Variants in SGK1 observed in about 807,000 individuals in gnomAD.
The protein encoded by SGK1 is serine/threonine-protein kinase Sgk1.
SGK1 carries 26 observed loss-of-function variants against 64.2 expected under a neutral mutation model. That is an observed-to-expected ratio of 0.40 (90% CI 0.30 to 0.56). SGK1 has a LOEUF of 0.56. Among genes scored for constraint, SGK1 ranks in the 20% least tolerant of loss-of-function variants. The probability of loss-of-function intolerance (pLI) is 0.38; values close to 1 mark genes in which losing one functional copy is unlikely to be tolerated. For missense variants in SGK1, 519 were observed against 645.6 expected (o/e 0.80, Z 2.12); for synonymous variants, 265 against 239.7 (o/e 1.11, Z -0.98).
chr6:134,268,038 T>C (rs773655645), intron 1 of SGK1, among the ~76,000 whole-genome samples: 5 of 152,182 alleles, frequency 3.3e-5, no homozygotes, highest in Non-Finnish European at 5.9e-5. Flanking sequence ...GATGTTTGCT[T>C]GCTCTTGAGA....
At chr6:134,283,534 G>A (rs951792369) in intron 1 of SGK1, among the ~76,000 whole-genome samples, 3 of 151,354 alleles carry the variant, frequency 2.0e-5, no homozygotes, top group Admixed American at 2.0e-4. Flanking sequence ...GAAGAAGGCA[G>A]CTGCCCTACA....
chr6:134,298,808 T>TTTATTTATTTAC (rs1777402735), intron 1 of SGK1: 1 of 296,448 alleles, frequency 3.4e-6, no homozygotes, highest in Admixed American at 5.1e-5. Flanking sequence ...TATTTATTTA[T>TTTATTTATTTAC]TTATTTATTT....
At chr6:134,297,914 G>T (rs1448213808) in intron 1 of SGK1, 10 of 807,054 alleles carry the variant, frequency 1.2e-5, no homozygotes, top group Non-Finnish European at 2.2e-5. Flanking sequence ...TGCGGTTGGT[G>T]ATCTCCTCGT....
Position 134,261,932 on chromosome 6 carries a change from C to T in SGK1, c.285+1G>A. 1.2e-6 allele frequency: 2 copies of T among 1,607,496 alleles called. No homozygotes were observed. The highest frequency in any genetic ancestry group is 8.5e-7 in the Non-Finnish European group (1 of 1,173,930). On this transcript the variant is annotated splice_donor_variant, in intron 2 of 13. Transcript: ENST00000367858. LOFTEE classifies it high-confidence loss of function. ...TAGATCCAGAGCGAACATGAACTTA[C>T]TTCACACCCAGATTGAGTTTCCCAT...
chr6:134,298,323 G>C (rs1288203885), intron 1 of SGK1: 10 of 1,571,382 alleles, frequency 6.4e-6, no homozygotes, highest in Non-Finnish European at 5.2e-6. Flanking sequence ...GCTGCTGCAG[G>C]AGGCTCCACT....
chr6:134,176,021 CTG>C lies in SGK1; in HGVS notation c.362-1437_362-1436del, dbSNP rs377252457. The C allele has an allele frequency of 5.2e-4, 528 of 1,017,370 alleles. 4 individuals carry two copies. The African/African-American group carries it at 8.0e-3, about 15-fold the overall frequency. 63.0% of individuals were successfully genotyped at this position (1,017,370 alleles called of 1,614,324 possible). On this transcript the variant is annotated intron_variant, in intron 3 of 13. Transcript: ENST00000367858. The stretch of plus-strand genomic sequence containing the variant: ...CACTTTTTTTTTTCTGAAGTAATCT[CTG>C]AGAACATTTTGTCCGTTCCGCATGT...
chr6:134,290,256 C>T (rs376633334), intron 1 of SGK1, among the ~76,000 whole-genome samples: 2 of 149,790 alleles, frequency 1.3e-5, no homozygotes, highest in African/African-American at 2.5e-5. Context: ...CGCAGGAGTT[C>T]GAGGCTGCAC....
intron 10 of SGK1, 35 bp from the exon 11 acceptor site, chr6:134,171,767 C>A: frequency 6.9e-7 from 1 of 1,441,338 alleles, no homozygotes; most frequent in Non-Finnish European, 9.7e-7. Flanking sequence ...CGTTTAGAAC[C>A]TGCGAAAGCA....
intron 2 of SGK1, among the ~76,000 whole-genome samples, chr6:134,211,268 G>C (rs1424702564): frequency 6.6e-6 from 1 of 152,086 alleles, no homozygotes; most frequent in Non-Finnish European, 1.5e-5. Context: ...TATGTAAGTG[G>C]TCTATATTTT....
At chr6:134,315,252 G>A (rs1777661591) in intron 1 of SGK1, among the ~76,000 whole-genome samples, 1 of 147,788 alleles carries the variant, frequency 6.8e-6, no homozygotes, top group African/African-American at 2.7e-5. Context: ...TCAATGACTT[G>A]ATACAAGGTC....
At chr6:134,219,695 G>A (rs1582720450) in intron 2 of SGK1, among the ~76,000 whole-genome samples, 1 of 150,668 alleles carries the variant, frequency 6.6e-6, no homozygotes, top group Non-Finnish European at 1.5e-5. Flanking sequence ...GGGAGGCAGA[G>A]GTTGCGGTGA....
At chr6:134,296,291 T>C (rs950275592) in intron 1 of SGK1, among the ~76,000 whole-genome samples, 1 of 152,180 alleles carries the variant, frequency 6.6e-6, no homozygotes, top group Admixed American at 6.5e-5. Context: ...ATTGTTTTTA[T>C]AGGCGAGATA....
intron 1 of SGK1, among the ~76,000 whole-genome samples, chr6:134,294,465 T>G (rs1286787204): frequency 6.6e-6 from 1 of 152,224 alleles, no homozygotes; most frequent in African/African-American, 2.4e-5. Flanking sequence ...CTACTCTAAG[T>G]ACCTCATGTA....
At chr6:134,264,988 T>C (rs1409837819) in intron 1 of SGK1, among the ~76,000 whole-genome samples, 1 of 152,204 alleles carries the variant, frequency 6.6e-6, no homozygotes, top group African/African-American at 2.4e-5. Context: ...TAAACTAAAA[T>C]TGCAATAGCA....
intron 3 of SGK1, among the ~76,000 whole-genome samples, chr6:134,201,065 CTT>C (rs71003673): frequency 1.4e-5 from 2 of 138,552 alleles, no homozygotes; most frequent in East Asian, 2.1e-4. Flanking sequence ...TTCTTTTCTT[CTT>C]TTTTTTTTTT....
chr6:134,267,975 G>C (rs999935094), intron 1 of SGK1, among the ~76,000 whole-genome samples: 5 of 152,152 alleles, frequency 3.3e-5, no homozygotes, highest in African/African-American at 9.7e-5. Flanking sequence ...CTTTTCACCA[G>C]CTTTGAAGCC....
chr6:134,285,711 T>G (rs1777173994), intron 1 of SGK1, among the ~76,000 whole-genome samples: 1 of 152,150 alleles, frequency 6.6e-6, no homozygotes, highest in African/African-American at 2.4e-5. Flanking sequence ...TTTGTTGACT[T>G]TTTGATGGGG....
intron 1 of SGK1, among the ~76,000 whole-genome samples, chr6:134,279,989 T>C (rs1206185233): frequency 6.6e-6 from 1 of 151,922 alleles, no homozygotes; most frequent in Non-Finnish European, 1.5e-5. Context: ...GGCCAAGAGG[T>C]CGAGACCAGC....
chr6:134,201,934 G>A (rs962108120), intron 3 of SGK1, among the ~76,000 whole-genome samples: 7 of 152,078 alleles, frequency 4.6e-5, no homozygotes, highest in South Asian at 2.1e-4. Flanking sequence ...AAACAATTGC[G>A]TCACCTAGTT....
Sources: gnomAD v4.1 joint callset for allele counts (sites outside exome capture counted in the v4.1 genomes callset) on GRCh38, gnomAD v4.1.1 for gene constraint, MANE v1.5 for transcripts, NCBI Gene and HGNC (gene_info 2026-07-23, HGNC 2026-07-21) for gene names.